Variants in PARD3B observed in about 807,000 individuals in gnomAD.
PARD3B encodes the protein partitioning defective 3 homolog B.
PARD3B carries 103 observed loss-of-function variants against 130.2 expected under a neutral mutation model. The observed-to-expected ratio is 0.79, with a 90% confidence interval of 0.67 to 0.93. The LOEUF (loss-of-function observed/expected upper bound fraction) is 0.93. PARD3B is among the 40% of genes least tolerant of loss of function. The pLI, the probability that PARD3B is intolerant of heterozygous loss-of-function variation, is 0.00. For missense variants in PARD3B, 1,609 were observed against 1,499.2 expected, an observed-to-expected ratio of 1.07 and a Z score of -1.21; for synonymous variants, 583 against 553.2, an observed-to-expected ratio of 1.05 and a Z score of -0.76.
At chr2:204,635,982 C>T (rs905311947) in intron 1 of PARD3B, among the ~76,000 whole-genome samples, 2 of 152,074 alleles carry the variant, frequency 1.3e-5, no homozygotes, top group African/African-American at 4.8e-5. Context: ...TTCCTAATTA[C>T]CTTCTTTAAT....
chr2:205,401,192 C>G (rs564434109), intron 19 of PARD3B, 69 bp downstream of exon 19: 1 of 1,218,208 alleles, frequency 8.2e-7, no homozygotes, highest in Admixed American at 2.0e-5. Context: ...GATATTGCAA[C>G]AGTCAACTGG....
At chr2:205,515,259 G>A (rs1351416574) in intron 21 of PARD3B, among the ~76,000 whole-genome samples, 1 of 152,100 alleles carries the variant, frequency 6.6e-6, no homozygotes, top group Non-Finnish European at 1.5e-5. Context: ...GGAGATTTAG[G>A]TTGATTCCAT....
chr2:205,354,327 C>A (rs932488642), intron 18 of PARD3B, among the ~76,000 whole-genome samples: 19 of 152,006 alleles, frequency 1.2e-4, no homozygotes, highest in African/African-American at 4.6e-4. Flanking sequence ...GGACGAGCTG[C>A]AGACAAAACC....
intron 20 of PARD3B, among the ~76,000 whole-genome samples, chr2:205,497,987 G>C (rs570054397): frequency 6.8e-6 from 1 of 146,134 alleles, no homozygotes; most frequent in African/African-American, 2.5e-5. Context: ...GACCAGCCTG[G>C]CCAACATGGT....
chr2:204,969,916 CGTGTGT>C (rs368645504), intron 3 of PARD3B, among the ~76,000 whole-genome samples: 1 of 150,292 alleles, frequency 6.7e-6, no homozygotes, highest in African/African-American at 2.4e-5. Context: ...CTTCTCATCC[CGTGTGT>C]GTGTGTGTGT....
intron 3 of PARD3B, among the ~76,000 whole-genome samples, chr2:205,013,346 G>A (rs1695874032): frequency 6.6e-6 from 1 of 152,012 alleles, no homozygotes; most frequent in Non-Finnish European, 1.5e-5. Flanking sequence ...ATTATTTTTA[G>A]ATGTTTAAAA....
intron 2 of PARD3B, among the ~76,000 whole-genome samples, chr2:204,791,055 A>G (rs1423990219): frequency 6.6e-6 from 1 of 152,116 alleles, no homozygotes; most frequent in Non-Finnish European, 1.5e-5. Context: ...CTGTGAGCCA[A>G]GATGACGCCA....
chr2:204,776,083 A>C (rs1313565815), intron 2 of PARD3B, among the ~76,000 whole-genome samples: 1 of 152,206 alleles, frequency 6.6e-6, no homozygotes, highest in Non-Finnish European at 1.5e-5. Context: ...CCAGTAACTA[A>C]ATATGTGGTC....
chr2:205,494,782 C>A (rs1001680713), intron 20 of PARD3B, among the ~76,000 whole-genome samples: 1 of 152,144 alleles, frequency 6.6e-6, no homozygotes, highest in African/African-American at 2.4e-5. Context: ...GTAGAAACAG[C>A]GCTGGTTGGG....
chr2:205,349,104 C>T (rs1337612744), intron 18 of PARD3B, among the ~76,000 whole-genome samples: 1 of 152,188 alleles, frequency 6.6e-6, no homozygotes, highest in Non-Finnish European at 1.5e-5. Flanking sequence ...ACTGGCCTCT[C>T]CTGCACATCC....
At chr2:204,629,663 A>G (rs979653782) in intron 1 of PARD3B, among the ~76,000 whole-genome samples, 2 of 152,212 alleles carry the variant, frequency 1.3e-5, no homozygotes, top group Non-Finnish European at 2.9e-5. Flanking sequence ...ACACTGGGCC[A>G]GACGTAGTGC....
At chr2:205,527,687 C>T (rs1387074743) in intron 21 of PARD3B, among the ~76,000 whole-genome samples, 1 of 152,192 alleles carries the variant, frequency 6.6e-6, no homozygotes, top group Non-Finnish European at 1.5e-5. Context: ...TCAACCTCCC[C>T]TGCAGCCTCC....
intron 18 of PARD3B, among the ~76,000 whole-genome samples, chr2:205,334,033 T>G (rs2043225334): frequency 6.6e-6 from 1 of 152,200 alleles, no homozygotes. Flanking sequence ...GACCTCTTTT[T>G]CCTACCCCGT....
rs563661193 is a variant in PARD3B, at chr2:205,592,382, T to C, written c.3261-23074T>C. Reference sequence around the variant, plus strand: ...AGGCTGAAACTCAAATGAGTACCCATTTAAAGAAAAGAAAACCCCTTCTTT... The same window carrying C: ...AGGCTGAAACTCAAATGAGTACCCACTTAAAGAAAAGAAAACCCCTTCTTT... On this transcript the variant is annotated intron_variant, in intron 22 of 22. Transcript: ENST00000406610. This position sits in a 1 kb window ranked among gnomAD's most constrained non-coding sequence, Gnocchi z 4.5. Among the ~76,000 whole-genome samples, 1 of 152,228 alleles carries C rather than the reference T, an allele frequency of 6.6e-6. No homozygotes were observed. Among genetic ancestry groups the C allele is most frequent in the Non-Finnish European group, 1.5e-5 (1 of 68,032 alleles).
intron 1 of PARD3B, 189 bp downstream of exon 1, chr2:204,546,308 A>T: frequency 1.2e-6 from 1 of 810,310 alleles, no homozygotes; most frequent in Non-Finnish European, 1.9e-6. Context: ...TTGAGCTCCG[A>T]GGGTCGTGAG....
intron 15 of PARD3B, among the ~76,000 whole-genome samples, chr2:205,231,370 A>G (rs2038826376): frequency 6.6e-6 from 1 of 150,878 alleles, no homozygotes; most frequent in Admixed American, 6.6e-5. Context: ...TCTGTTGCCC[A>G]GTCTGGAGTA....
intron 18 of PARD3B, among the ~76,000 whole-genome samples, chr2:205,399,310 TTTTTTTGTTTTGTTTTGTTTTG>T (rs2046154887): frequency 1.3e-5 from 2 of 151,600 alleles, no homozygotes; most frequent in African/African-American, 4.9e-5. Context: ...CTCCCCAAGT[TTTTTTTGTTTTGTTTTGTTTTG>T]TTTTTTGTGT....
At chr2:205,521,707 A>AT (rs1337838429) in intron 21 of PARD3B, among the ~76,000 whole-genome samples, 2 of 151,864 alleles carry the variant, frequency 1.3e-5, no homozygotes, top group Non-Finnish European at 2.9e-5. Context: ...TTCATTTGTG[A>AT]TTTTGTATCT....
chr2:204,902,435 C>T (rs1372283458), intron 2 of PARD3B, among the ~76,000 whole-genome samples: 1 of 151,932 alleles, frequency 6.6e-6, no homozygotes, highest in African/African-American at 2.4e-5. Context: ...TTTGGGAGGC[C>T]GAAGCGGGCG....
Sources: allele counts gnomAD v4.1 joint callset (sites outside exome capture counted in the v4.1 genomes callset), GRCh38; gene constraint gnomAD v4.1.1; non-coding constraint Gnocchi (gnomAD v3.1); transcripts MANE v1.5; gene names NCBI Gene and HGNC (gene_info 2026-07-23, HGNC 2026-07-21).